The following CNTNAP2 variants were observed in gnomAD, a reference collection of about 807,000 sequenced individuals.
The protein encoded by CNTNAP2 is contactin-associated protein-like 2.
A neutral mutation model predicts 155.2 loss-of-function variants in CNTNAP2; 98 were observed. That is an observed-to-expected ratio of 0.63 (90% confidence interval 0.54 to 0.75). The LOEUF (loss-of-function observed/expected upper bound fraction) is 0.75. CNTNAP2 is among the 30% of genes least tolerant of loss of function. The probability of loss-of-function intolerance (pLI) is 0.00; values close to 1 mark genes in which losing one functional copy is unlikely to be tolerated. For synonymous variants in CNTNAP2, 651 were observed against 631.2 expected, an observed-to-expected ratio of 1.03 and a Z score of -0.47; for missense variants, 1,727 against 1,688.1, an observed-to-expected ratio of 1.02 and a Z score of -0.40.
chr7:146,925,923 A>T (rs1311914916), intron 3 of CNTNAP2, among the ~76,000 whole-genome samples: 4 of 152,120 alleles, frequency 2.6e-5, no homozygotes, highest in Admixed American at 1.3e-4. Context: ...TAAGTTATTG[A>T]GATCTCTGGG....
At chr7:148,322,342 C>T (rs1039455651) in intron 21 of CNTNAP2, among the ~76,000 whole-genome samples, 5 of 152,182 alleles carry the variant, frequency 3.3e-5, no homozygotes, top group South Asian at 2.1e-4. Context: ...TTCACACTCT[C>T]GTACACTCTG....
At chr7:146,798,840 C>A (rs1160538443) in intron 2 of CNTNAP2, among the ~76,000 whole-genome samples, 5 of 152,154 alleles carry the variant, frequency 3.3e-5, no homozygotes, top group African/African-American at 1.2e-4. Flanking sequence ...TAATTACCCA[C>A]ATTTTCATAC....
chr7:147,168,012 AC>A (rs1271710939), intron 8 of CNTNAP2, among the ~76,000 whole-genome samples: 1 of 149,148 alleles, frequency 6.7e-6, no homozygotes, highest in African/African-American at 2.4e-5. Flanking sequence ...GCATATATAT[AC>A]ATATATGTAT....
chr7:146,912,728 A>G (rs1460147359), intron 3 of CNTNAP2, among the ~76,000 whole-genome samples: 1 of 152,164 alleles, frequency 6.6e-6, no homozygotes. Context: ...TTATTTTTCT[A>G]GACTGTGAAA....
chr7:147,622,232 G>T (rs1794872048), intron 12 of CNTNAP2, among the ~76,000 whole-genome samples: 1 of 151,896 alleles, frequency 6.6e-6, no homozygotes, highest in African/African-American at 2.4e-5. Flanking sequence ...AGATCTTCTG[G>T]ACAGGTAATA....
At chr7:147,541,234 T>C (rs139688262) in intron 11 of CNTNAP2, among the ~76,000 whole-genome samples, 52 of 152,310 alleles carry the variant, frequency 3.4e-4, no homozygotes, top group Middle Eastern at 3.4e-3. Context: ...TATAATGCAG[T>C]GGCTAGGAAC....
At chr7:148,295,172 A>G (rs1193447632) in intron 21 of CNTNAP2, among the ~76,000 whole-genome samples, 2 of 152,198 alleles carry the variant, frequency 1.3e-5, no homozygotes, top group African/African-American at 4.8e-5. Context: ...ACAAGTTATA[A>G]AATTTGTGAT....
rs144914211 is a variant in CNTNAP2, at chr7:146,316,923, G to A, written c.97+199950G>A. Among the ~76,000 whole-genome samples the A allele has an allele frequency of 4.5e-3, 684 of 151,562 alleles. 4 individuals carry two copies. Among genetic ancestry groups the A allele is most frequent in the African/African-American group, 0.016 (650 of 41,064 alleles). On this transcript the variant is annotated intron_variant, in intron 1 of 23. Coordinates refer to ENST00000361727, the MANE Select transcript of CNTNAP2 (RefSeq NM_014141.6). ...GGGACACTGAATCCAGAAGCATAGG[G>A]GCCTTGTTCAATGGGGATTCATTCA...
intron 14 of CNTNAP2, among the ~76,000 whole-genome samples, chr7:147,925,591 C>T (rs1350421042): frequency 3.3e-5 from 5 of 151,882 alleles, no homozygotes; most frequent in Admixed American, 1.3e-4. Flanking sequence ...CTCAGCCTCC[C>T]GAGTAGCTGG....
At chr7:146,601,976 C>A (rs1001175895) in intron 1 of CNTNAP2, among the ~76,000 whole-genome samples, 4 of 151,754 alleles carry the variant, frequency 2.6e-5, no homozygotes, top group African/African-American at 7.3e-5. Context: ...AAAGATTGAA[C>A]CCAAATGGAT....
intron 11 of CNTNAP2, among the ~76,000 whole-genome samples, chr7:147,511,208 T>G (rs1799014486): frequency 6.6e-6 from 1 of 152,008 alleles, no homozygotes; most frequent in South Asian, 2.1e-4. Context: ...TCTGGCTACC[T>G]TTATTATGTC....
chr7:147,988,331 A>T (rs2116878623), intron 15 of CNTNAP2, among the ~76,000 whole-genome samples: 1 of 152,268 alleles, frequency 6.6e-6, no homozygotes, highest in East Asian at 1.9e-4. Flanking sequence ...GAAGAAAGAG[A>T]TCTAGCTATG....
intron 1 of CNTNAP2, among the ~76,000 whole-genome samples, chr7:146,716,879 C>T (rs1801197459): frequency 6.6e-6 from 1 of 152,134 alleles, no homozygotes; most frequent in South Asian, 2.1e-4. Flanking sequence ...CTCTATTATG[C>T]AGTTACAGTA....
chr7:146,364,324 A>G (rs114894738), intron 1 of CNTNAP2, among the ~76,000 whole-genome samples: 2,307 of 152,266 alleles, frequency 0.015, 53 homozygotes, highest in African/African-American at 0.053. Context: ...TGACCAGTCA[A>G]TTTGAAGCCC....
chr7:147,422,375 A>G (rs1168313152), intron 10 of CNTNAP2, among the ~76,000 whole-genome samples: 1 of 151,534 alleles, frequency 6.6e-6, no homozygotes, highest in Non-Finnish European at 1.5e-5. Flanking sequence ...TACGGTATAT[A>G]CATTGTGTAT....
intron 1 of CNTNAP2, among the ~76,000 whole-genome samples, chr7:146,450,364 A>C (rs1310716682): frequency 1.3e-5 from 2 of 152,190 alleles, no homozygotes; most frequent in African/African-American, 2.4e-5. Flanking sequence ...GTAAGTATGG[A>C]ATTCTGTCAG....
At chr7:146,837,490 T>G (rs1310444927) in intron 2 of CNTNAP2, among the ~76,000 whole-genome samples, 3 of 152,184 alleles carry the variant, frequency 2.0e-5, no homozygotes, top group African/African-American at 7.2e-5. Flanking sequence ...GAATTAATAA[T>G]TACTGTTTTT....
chr7:148,395,118 G>T, intron 22 of CNTNAP2, among the ~76,000 whole-genome samples: 2 of 132,086 alleles, frequency 1.5e-5, no homozygotes, highest in Non-Finnish European at 1.6e-5. Context: ...TGTTTCTGTT[G>T]ACCCCCCCCC....
In CNTNAP2 at chr7:146,141,960, A is replaced by C. The variant is rs117137418; in HGVS notation, c.97+24987A>C. Among the ~76,000 whole-genome samples the C allele has an allele frequency of 6.0e-4, 91 of 152,218 alleles. 2 individuals are homozygous for C. The East Asian group carries it at 0.017, about 28-fold the overall frequency. On this transcript the variant is annotated intron_variant, in intron 1 of 23. Transcript: ENST00000361727. ...TGATCTCAAAGAGGGCTCAGTATTG[A>C]TTTGCTTGTTGGTATTTCAGAGATA...
Sources: allele counts gnomAD v4.1 joint callset (sites outside exome capture counted in the v4.1 genomes callset), GRCh38; gene constraint gnomAD v4.1.1; transcripts MANE v1.5; gene names NCBI Gene and HGNC (gene_info 2026-07-23, HGNC 2026-07-21).